SLC35A5: variants seen among roughly 807,000 people sequenced by gnomAD.
SLC35A5 encodes UDP-sugar transporter protein SLC35A5.
A neutral mutation model predicts 36.3 loss-of-function variants in SLC35A5; 28 were observed. That is an observed-to-expected ratio of 0.77 (90% CI 0.57 to 1.06). The LOEUF is 1.06. SLC35A5 is among the 50% of genes least tolerant of loss of function. SLC35A5 has a pLI of 0.00. For synonymous variants in SLC35A5, 180 were observed against 173.7 expected (o/e 1.04, Z -0.29); for missense variants, 521 against 499.3 (o/e 1.04, Z -0.41).
chr3:112,561,657 G>T, upstream of SLC35A5: 1 of 893,672 alleles, frequency 1.1e-6, no homozygotes, highest in Non-Finnish European at 1.7e-6. Flanking sequence ...CACCCGAGGG[G>T]ACGGGACGCG....
chr3:112,585,470 T>C lies in SLC35A5; in HGVS notation c.*2734T>C, dbSNP rs1393187633. 2 of 152,120 alleles carry C rather than the reference T, an allele frequency of 1.3e-5. No individual in the cohort carries two copies. The highest frequency in any genetic ancestry group is 2.9e-5 in the Non-Finnish European group (2 of 68,028). 9.4% of individuals were successfully genotyped at this position (152,120 alleles called of 1,614,324 possible). ...CAATGTTCACTGTTTGAGTGATGGG[T>C]CCACTAGAAGCCCAAACTTCACCAT... On this transcript the variant is annotated 3_prime_UTR_variant, in exon 7 of 7. Coordinates refer to ENST00000492406, the MANE Select transcript of SLC35A5 (RefSeq NM_017945.5).
At chr3:112,575,716 T>A (rs902564381) in intron 5 of SLC35A5, among the ~76,000 whole-genome samples, 7 of 151,838 alleles carry the variant, frequency 4.6e-5, no homozygotes, top group African/African-American at 1.7e-4. Flanking sequence ...GCTAATAATC[T>A]AATATTGTCT....
Position 112,583,111 on chromosome 3 carries a change from C to A in SLC35A5, c.*375C>A, listed in dbSNP as rs1418031236. The A allele has an allele frequency of 5.0e-6, 2 of 399,214 alleles. No homozygotes were observed. Among genetic ancestry groups the A allele is most frequent in the East Asian group, 7.1e-5 (2 of 28,074 alleles). The allele number at this position is 399,214 out of a possible 1,614,324, so 24.7% of individuals were successfully genotyped here. A position where few individuals can be genotyped will look rare whatever the true frequency, so the allele number is the denominator to read the frequency against. On this transcript the variant is annotated 3_prime_UTR_variant, in exon 7 of 7. Coordinates refer to ENST00000492406, the MANE Select transcript of SLC35A5 (RefSeq NM_017945.5). ...GCCAAATATTCACAATCATGTAGTTCTAGTTTACATGCCAAAGTCTTCCCT... is the reference window on the plus strand; with the variant it reads ...GCCAAATATTCACAATCATGTAGTTATAGTTTACATGCCAAAGTCTTCCCT...
At chr3:112,561,383 G>T (rs1025560517), upstream of SLC35A5, 28 of 1,486,204 alleles carry the variant, frequency 1.9e-5, no homozygotes, top group South Asian at 3.0e-4. Context: ...AGAAAGCGGG[G>T]ACTCCTGCGG....
In SLC35A5 at chr3:112,562,214, G is replaced by A. The variant is rs899810284; in HGVS notation, c.-79G>A. 1 of 152,758 alleles carries A rather than the reference G, an allele frequency of 6.5e-6. No homozygotes were observed. Among genetic ancestry groups the A allele is most frequent in the Admixed American group, 6.5e-5 (1 of 15,292 alleles). The allele number at this position is 152,758 out of a possible 1,614,324, so 9.5% of individuals were successfully genotyped here. A position where few individuals can be genotyped will look rare whatever the true frequency, so the allele number is the denominator to read the frequency against. On this transcript the variant is annotated 5_prime_UTR_variant, in exon 1 of 7. Coordinates refer to ENST00000492406, the MANE Select transcript of SLC35A5 (RefSeq NM_017945.5). The stretch of plus-strand genomic sequence containing the variant: ...GGCTACTGCTGCTACTACGGGGCTA[G>A]ACAGTTACTGTCTCAGCTCTAGGAT...
chr3:112,563,795 A>C lies in SLC35A5; in HGVS notation c.130+262A>C, dbSNP rs182502750. Among the ~76,000 whole-genome samples the C allele has an allele frequency of 2.0e-4, 30 of 152,358 alleles. No individual in the cohort carries two copies. In the East Asian group the frequency reaches 4.2e-3, roughly 22 times the overall value. ...AGTCGTAACATTTGACTGTTAATTC[A>C]ATCAACAGGTGTTTCTGGACCTATA... On this transcript the variant is annotated intron_variant, in intron 2 of 6. Transcript: ENST00000492406.
In SLC35A5 at chr3:112,583,336, G is replaced by A; in HGVS notation, c.*600G>A. The A allele has an allele frequency of 2.6e-6, 1 of 389,896 alleles. No homozygotes were observed. The highest frequency in any genetic ancestry group is 3.6e-5 in the East Asian group (1 of 27,730). The allele number at this position is 389,896 out of a possible 1,614,324, so 24.2% of individuals were successfully genotyped here. A position where few individuals can be genotyped will look rare whatever the true frequency, so the allele number is the denominator to read the frequency against. ...GCAGTTTCTCAGACACAACATCTCA[G>A]AATTTTAATTTTTAGAAATTCATGG... On this transcript the variant is annotated 3_prime_UTR_variant, in exon 7 of 7. Coordinates refer to ENST00000492406, the MANE Select transcript of SLC35A5 (RefSeq NM_017945.5).
In SLC35A5 at chr3:112,581,451, C is replaced by G. The variant is rs74839312; in HGVS notation, c.1209+125C>G. On this transcript the variant is annotated intron_variant, in intron 6 of 6. Transcript: ENST00000492406. The stretch of plus-strand genomic sequence containing the variant: ...TGTATTGGATCTCTGACTTTTAAAA[C>G]CGAATCAACAAACATTCCTTTTACT... 3,931 of 982,948 alleles carry G rather than the reference C, an allele frequency of 4.0e-3. 107 individuals are homozygous for G. In the African/African-American group the frequency reaches 0.056, roughly 14 times the overall value. 60.9% of individuals were successfully genotyped at this position (982,948 alleles called of 1,614,324 possible).
chr3:112,582,708 G>T lies in SLC35A5; in HGVS notation c.1247G>T (p.Ser416Ile). The T allele has an allele frequency of 3.1e-6, 5 of 1,612,810 alleles. No homozygotes were observed. Among genetic ancestry groups the T allele is most frequent in the Non-Finnish European group, 1.7e-6 (2 of 1,179,164 alleles). The change falls in exon 7 of 7, where the codon AGT becomes ATT. Residue 416 changes from serine to isoleucine, a missense_variant. Coordinates refer to ENST00000492406, the MANE Select transcript of SLC35A5 (RefSeq NM_017945.5). ...EELERLTKPK[S>I]DESDEDTF ...CTAGAAAGACTTACCAAACCCAAGA[G>T]TGATGAGTCAGATGAAGATACTTTC...
intron 3 of SLC35A5, among the ~76,000 whole-genome samples, chr3:112,570,006 C>T (rs924422508): frequency 6.6e-6 from 1 of 152,178 alleles, no homozygotes; most frequent in African/African-American, 2.4e-5. Flanking sequence ...GCATTATTTG[C>T]AGGGCCTTAA....
rs201193670 is a variant in SLC35A5, at chr3:112,573,875, C to G, written c.361-14C>G. ...TTCATTTGGATTGTAACTCTATCTT[C>G]TCTTTCTTTCTAGGCCATGGCTGTT... On this transcript the variant is annotated splice_polypyrimidine_tract_variant and intron_variant, in intron 4 of 6. Transcript: ENST00000492406. 7 of 1,605,466 alleles carry G rather than the reference C, an allele frequency of 4.4e-6. No individual in the cohort carries two copies. The highest frequency in any genetic ancestry group is 6.0e-6 in the Non-Finnish European group (7 of 1,172,666).
chr3:112,576,158 T>G (rs756645600), intron 5 of SLC35A5, among the ~76,000 whole-genome samples: 10 of 151,842 alleles, frequency 6.6e-5, no homozygotes, highest in Non-Finnish European at 1.3e-4. Flanking sequence ...GTACGGAGTC[T>G]TGCTCTGTCG....
At position 112,582,746 on chromosome 3, in the gene SLC35A5, A is replaced by G. The variant is rs1934989523; in HGVS notation, c.*10A>G. The G allele has an allele frequency of 3.1e-6, 5 of 1,607,370 alleles. No individual in the cohort carries two copies. Among genetic ancestry groups the G allele is most frequent in the Non-Finnish European group, 4.3e-6 (5 of 1,174,790 alleles). On this transcript the variant is annotated 3_prime_UTR_variant, in exon 7 of 7. Transcript: ENST00000492406. ...TGAAGATACTTTCTAACTGGTACCCACATAGTTTGCAGCTCTCTTGAACCT... is the reference window on the plus strand; with the variant it reads ...TGAAGATACTTTCTAACTGGTACCCGCATAGTTTGCAGCTCTCTTGAACCT...
chr3:112,562,943 C>G (rs554585606), intron 1 of SLC35A5, among the ~76,000 whole-genome samples: 31 of 152,254 alleles, frequency 2.0e-4, no homozygotes, highest in African/African-American at 7.2e-4. Context: ...GCTTGTAGTC[C>G]CAGCTATTCT....
At chr3:112,578,897 CTATT>C (rs1934775941) in intron 5 of SLC35A5, among the ~76,000 whole-genome samples, 1 of 151,840 alleles carries the variant, frequency 6.6e-6, no homozygotes, top group Non-Finnish European at 1.5e-5. Context: ...TGTGGTCATT[CTATT>C]TGTTTTCTGC....
Position 112,583,255 on chromosome 3 carries a change from T to G in SLC35A5, c.*519T>G, listed in dbSNP as rs1468930753. The G allele has an allele frequency of 2.5e-6, 1 of 396,352 alleles. No individual in the cohort carries two copies. The highest frequency in any genetic ancestry group is 2.1e-5 in the African/African-American group (1 of 48,568). The allele number at this position is 396,352 out of a possible 1,614,324, so 24.6% of individuals were successfully genotyped here. A position where few individuals can be genotyped will look rare whatever the true frequency, so the allele number is the denominator to read the frequency against. The stretch of plus-strand genomic sequence containing the variant: ...ACGTTGGTTGAAGGACCTAAATACC[T>G]GGCCATACCATAGATTTGGGATGAT... On this transcript the variant is annotated 3_prime_UTR_variant, in exon 7 of 7. Transcript: ENST00000492406.
At chr3:112,563,572 C>G in intron 2 of SLC35A5, 39 bp downstream of exon 2, 1 of 1,513,202 alleles carries the variant, frequency 6.6e-7, no homozygotes, top group Non-Finnish European at 9.0e-7. Context: ...GCACTTCCAT[C>G]TAATCACACA....
chr3:112,581,486 T>C (rs992976715), intron 6 of SLC35A5, among the ~76,000 whole-genome samples, 160 bp downstream of exon 6: 3 of 152,228 alleles, frequency 2.0e-5, no homozygotes, highest in Admixed American at 2.0e-4. Flanking sequence ...TCCTGATGTT[T>C]GCAAGGGCTC....
chr3:112,566,184 A>G (rs1934189317), intron 2 of SLC35A5, among the ~76,000 whole-genome samples: 1 of 152,238 alleles, frequency 6.6e-6, no homozygotes. Flanking sequence ...TCTGGTTTGA[A>G]TGCTGAGTGG....
Sources: allele counts gnomAD v4.1 joint callset (sites outside exome capture counted in the v4.1 genomes callset), GRCh38; gene constraint gnomAD v4.1.1; transcripts MANE v1.5; gene names NCBI Gene and HGNC (gene_info 2026-07-23, HGNC 2026-07-21).